Variants in ECHDC2 observed in about 807,000 individuals in gnomAD.
ECHDC2 encodes enoyl-CoA hydratase domain containing 2.
Under a neutral mutation model 40.6 loss-of-function variants are expected in ECHDC2, and 34 were observed. The observed-to-expected ratio is 0.84, with a 90% CI of 0.64 to 1.11. The LOEUF (loss-of-function observed/expected upper bound fraction) is 1.11, where lower values mean the gene tolerates loss of function less well. Ranked by LOEUF, ECHDC2 falls within the 50% of genes most tolerant of loss-of-function variation. ECHDC2 has a pLI of 0.00. For synonymous variants in ECHDC2, 162 were observed against 166.6 expected, an observed-to-expected ratio of 0.97 and a Z score of 0.21; for missense variants, 392 against 400.7, an observed-to-expected ratio of 0.98 and a Z score of 0.19.
Position 52,897,108 on chromosome 1 carries a change from T to C in ECHDC2, c.801+329A>G, listed in dbSNP as rs1008925236. 7.0e-6 allele frequency: 3 copies of C among 429,148 alleles called. No homozygotes were observed. The Admixed American group carries it at 1.0e-4, about 15-fold the overall frequency. The allele number at this position is 429,148 out of a possible 1,614,324, so 26.6% of individuals were successfully genotyped here. ...AGCCTGCAGGCTACAACCAAGCCCTTGACCTCCCAACTCCATCCTGAACTT... is the reference window on the plus strand; with the variant it reads ...AGCCTGCAGGCTACAACCAAGCCCTCGACCTCCCAACTCCATCCTGAACTT... On this transcript the variant is annotated intron_variant, in intron 9 of 9. Coordinates refer to ENST00000371522, the MANE Select transcript of ECHDC2 (RefSeq NM_001198961.2).
At position 52,896,430 on chromosome 1, in the gene ECHDC2, G is replaced by A. The variant is rs1340002645; in HGVS notation, c.*90C>T. On this transcript the variant is annotated 3_prime_UTR_variant, in exon 10 of 10. Transcript: ENST00000371522. Reference sequence around the variant, plus strand: ...TGAAGAAATGGAAGTCTGGAGAGGTGAAATGATGAAGGCAATCTGGCCACA... The same window carrying A: ...TGAAGAAATGGAAGTCTGGAGAGGTAAAATGATGAAGGCAATCTGGCCACA... The A allele has an allele frequency of 2.0e-6, 2 of 1,019,212 alleles. No homozygotes were observed. Among genetic ancestry groups the A allele is most frequent in the South Asian group, 2.5e-5 (2 of 78,792 alleles). 63.1% of individuals were successfully genotyped at this position (1,019,212 alleles called of 1,614,324 possible).
chr1:52,919,386 C>G (rs762555465), intron 1 of ECHDC2, among the ~76,000 whole-genome samples: 1 of 152,170 alleles, frequency 6.6e-6, no homozygotes, highest in Non-Finnish European at 1.5e-5. Flanking sequence ...GTTACAGTTG[C>G]CTACAGTATT....
At chr1:52,904,578 A>C in intron 7 of ECHDC2, 68 bp downstream of exon 7, 1 of 1,387,702 alleles carries the variant, frequency 7.2e-7, no homozygotes. Context: ...GCCCAAGGGG[A>C]CACCCTGCCC....
intron 1 of ECHDC2, chr1:52,921,263 C>T (rs973871213): frequency 8.6e-5 from 38 of 443,788 alleles, no homozygotes; most frequent in African/African-American, 7.6e-4. Context: ...GGCCGCGGGG[C>T]CCAGTCCTAC....
chr1:52,912,463 C>T (rs1649772030), intron 1 of ECHDC2, among the ~76,000 whole-genome samples: 1 of 152,156 alleles, frequency 6.6e-6, no homozygotes. Flanking sequence ...CCGCCTCGGC[C>T]TCCCAAAGTG....
At position 52,921,732 on chromosome 1, in the gene ECHDC2, T is replaced by C. The variant is rs1418148883; in HGVS notation, c.-59A>G. 5 of 1,425,188 alleles carry C rather than the reference T, an allele frequency of 3.5e-6. No homozygotes were observed. The highest frequency in any genetic ancestry group is 3.0e-5 in the Admixed American group (1 of 33,296). The allele number at this position is 1,425,188 out of a possible 1,614,324, so 88.3% of individuals were successfully genotyped here. On this transcript the variant is annotated 5_prime_UTR_variant, in exon 1 of 10. Transcript: ENST00000371522. ...GGCCCTGCACCGTCTCGGCTCCCGC[T>C]GAGAGCTCGCAGTTCCGGCGTCGGG...
At chr1:52,917,084 G>T (rs139181286) in intron 1 of ECHDC2, among the ~76,000 whole-genome samples, 4,552 of 152,190 alleles carry the variant, frequency 0.03, 239 homozygotes, top group African/African-American at 0.1. Flanking sequence ...TTAGCCAGGC[G>T]TGGTGGCACA....
intron 1 of ECHDC2, among the ~76,000 whole-genome samples, chr1:52,920,202 T>C (rs373153532): frequency 6.6e-6 from 1 of 152,186 alleles, no homozygotes; most frequent in East Asian, 1.9e-4. Flanking sequence ...CAATATTAAC[T>C]GTTCAAGGAA....
intron 3 of ECHDC2, among the ~76,000 whole-genome samples, chr1:52,909,671 TG>T (rs1648918244): frequency 6.6e-6 from 1 of 152,252 alleles, no homozygotes; most frequent in African/African-American, 2.4e-5. Flanking sequence ...TGCTCTAAAT[TG>T]TCTCTAGATT....
At chr1:52,909,378 G>A (rs1292342996) in intron 3 of ECHDC2, among the ~76,000 whole-genome samples, 1 of 152,110 alleles carries the variant, frequency 6.6e-6, no homozygotes, top group Non-Finnish European at 1.5e-5. Flanking sequence ...AAATATTGTA[G>A]TATTTGCAAT....
In ECHDC2 at chr1:52,896,376, C is replaced by T. The variant is rs1276549707; in HGVS notation, c.*144G>A. 1 of 722,186 alleles carries T rather than the reference C, an allele frequency of 1.4e-6. No homozygotes were observed. Among genetic ancestry groups the T allele is most frequent in the Non-Finnish European group, 2.5e-6 (1 of 406,820 alleles). The allele number at this position is 722,186 out of a possible 1,614,324, so 44.7% of individuals were successfully genotyped here. A position where few individuals can be genotyped will look rare whatever the true frequency, so the allele number is the denominator to read the frequency against. On this transcript the variant is annotated 3_prime_UTR_variant, in exon 10 of 10. Coordinates refer to ENST00000371522, the MANE Select transcript of ECHDC2 (RefSeq NM_001198961.2). ...AGCACCTTGGTTCCAGGCATCACGC[C>T]AGTCATTTTATTTCCATCATCATCC...
At chr1:52,913,939 C>T in intron 1 of ECHDC2, 1 of 1,165,116 alleles carries the variant, frequency 8.6e-7, no homozygotes, top group African/African-American at 1.6e-5. Context: ...TCTCTTCTGC[C>T]CAATTATTTT....
intron 1 of ECHDC2, chr1:52,917,553 A>G: frequency 2.2e-6 from 1 of 456,070 alleles, no homozygotes; most frequent in Non-Finnish European, 4.4e-6. Context: ...CCTTCAAATG[A>G]GCCCATGGGT....
chr1:52,910,727 C>A (rs528679352), intron 3 of ECHDC2, among the ~76,000 whole-genome samples: 1 of 152,262 alleles, frequency 6.6e-6, no homozygotes, highest in East Asian at 1.9e-4. Context: ...TTTTTACAGG[C>A]AGAGTCAGCA....
chr1:52,907,661 G>A, intron 4 of ECHDC2: 1 of 548,726 alleles, frequency 1.8e-6, no homozygotes, highest in Non-Finnish European at 3.2e-6. Context: ...TGAGGGTGGG[G>A]CGGGACACAA....
intron 7 of ECHDC2, chr1:52,901,500 T>C (rs1393816582): frequency 1.3e-5 from 2 of 152,222 alleles, no homozygotes; most frequent in Admixed American, 6.5e-5. Flanking sequence ...ACTGTGGATA[T>C]TGACAGTTTT....
At chr1:52,899,073 TC>T (rs1323304385) in intron 8 of ECHDC2, 100 bp downstream of exon 8, 2 of 1,228,376 alleles carry the variant, frequency 1.6e-6, no homozygotes, top group African/African-American at 1.5e-5. Flanking sequence ...AGAGTCCACT[TC>T]CTGAGTTTTT....
In ECHDC2 at chr1:52,906,592, G is replaced by A. The variant is rs777417905; in HGVS notation, c.384C>T (p.Thr128=). Residue 128 remains threonine, a synonymous_variant, in exon 5 of 10, where the codon ACC becomes ACT. Coordinates refer to ENST00000371522, the MANE Select transcript of ECHDC2 (RefSeq NM_001198961.2). ...AGGCAAACCCATCCATAGCCGCAAT[G>A]GTGGGTGCAGGGAAGGCTGCTGTGG... ...MNDIAAFPAP[T]IAAMDGFALG... 1.1e-5 allele frequency: 17 copies of A among 1,611,952 alleles called. No individual in the cohort carries two copies. The highest frequency in any genetic ancestry group is 3.3e-4 in the Middle Eastern group (2 of 6,080).
intron 1 of ECHDC2, chr1:52,912,213 T>TA: frequency 4.1e-6 from 1 of 245,236 alleles, no homozygotes; most frequent in Non-Finnish European, 7.1e-6. Flanking sequence ...TTTGCTGTTT[T>TA]TTTTTTTTTT....
Sources: allele counts gnomAD v4.1 joint callset (sites outside exome capture counted in the v4.1 genomes callset), GRCh38; gene constraint gnomAD v4.1.1; transcripts MANE v1.5; gene names NCBI Gene and HGNC (gene_info 2026-07-23, HGNC 2026-07-21).